KCNJ15: variants seen among roughly 807,000 people sequenced by gnomAD.
The protein encoded by KCNJ15 is ATP-sensitive inward rectifier potassium channel 15.
Under a neutral mutation model 23.0 loss-of-function variants are expected in KCNJ15, and 14 were observed. The ratio of observed to expected loss-of-function variants is 0.61; its 90% confidence interval spans 0.40 to 0.95. The LOEUF (loss-of-function observed/expected upper bound fraction) is 0.95, where lower values mean the gene tolerates loss of function less well. Among genes scored for constraint, KCNJ15 ranks in the 40% least tolerant of loss-of-function variants. The probability of loss-of-function intolerance (pLI) is 0.00; values close to 1 mark genes in which losing one functional copy is unlikely to be tolerated. For synonymous variants in KCNJ15, 185 were observed against 183.2 expected, an observed-to-expected ratio of 1.01 and a Z score of -0.08; for missense variants, 388 against 461.8, an observed-to-expected ratio of 0.84 and a Z score of 1.46.
chr21:38,292,018 G>T (rs778896639), intron 1 of KCNJ15, among the ~76,000 whole-genome samples: 55 of 152,172 alleles, frequency 3.6e-4, no homozygotes, highest in Non-Finnish European at 6.5e-4. Flanking sequence ...AATCTATAAT[G>T]GATGCTGACG....
intron 1 of KCNJ15, among the ~76,000 whole-genome samples, chr21:38,244,211 G>A (rs975364541): frequency 1.3e-5 from 2 of 152,004 alleles, no homozygotes; most frequent in Non-Finnish European, 2.9e-5. Flanking sequence ...AACTGGTTTC[G>A]AACCCACCAA....
At chr21:38,276,785 GA>G (rs149729111) in intron 1 of KCNJ15, among the ~76,000 whole-genome samples, 4,651 of 152,020 alleles carry the variant, frequency 0.031, 95 homozygotes, top group Middle Eastern at 0.054. Flanking sequence ...GAAAACATCT[GA>G]ATTCATACTT....
intron 1 of KCNJ15, among the ~76,000 whole-genome samples, chr21:38,291,005 C>A (rs1465395774): frequency 7.0e-6 from 1 of 143,612 alleles, no homozygotes; most frequent in Non-Finnish European, 1.5e-5. Flanking sequence ...AACACACACA[C>A]ACACACACAC....
At chr21:38,241,954 G>A (rs1018603525) in intron 1 of KCNJ15, among the ~76,000 whole-genome samples, 3 of 139,844 alleles carry the variant, frequency 2.1e-5, no homozygotes, top group Admixed American at 1.4e-4. Flanking sequence ...GGGTGACAGA[G>A]CAAGACTCCA....
In KCNJ15 at chr21:38,259,179, T is replaced by G. The variant is rs115174488; in HGVS notation, c.-117+1994T>G. Among the ~76,000 whole-genome samples, 978 of 152,316 alleles carry G rather than the reference T, an allele frequency of 6.4e-3. 8 individuals carry two copies. The highest frequency in any genetic ancestry group is 0.022 in the African/African-American group (905 of 41,554). Reference sequence around the variant, plus strand: ...CAAATCTTTGGAATATCCTTTCCTGTGCAATCCCCTCTCATCTGTTTAGAG... The same window carrying G: ...CAAATCTTTGGAATATCCTTTCCTGGGCAATCCCCTCTCATCTGTTTAGAG... On this transcript the variant is annotated intron_variant, in intron 1 of 2. Transcript: ENST00000398938.
Position 38,245,232 on chromosome 21 carries a change from A to G in KCNJ15, c.-398-11814A>G, listed in dbSNP as rs545624053. Among the ~76,000 whole-genome samples the G allele has an allele frequency of 9.2e-5, 14 of 152,158 alleles. No homozygotes were observed. In the South Asian group the frequency reaches 2.9e-3, roughly 32 times the overall value. On this transcript the variant is annotated intron_variant, in intron 1 of 4. Transcript: ENST00000547341. ...TTCCCAAAGTCCTCTCTGTGTGGCC[A>G]TATGCCTGATTCTCAGCCTGGCTTC...
At chr21:38,272,365 T>A (rs971279622) in intron 1 of KCNJ15, 1 of 152,384 alleles carries the variant, frequency 6.6e-6, no homozygotes, top group African/African-American at 2.4e-5. Flanking sequence ...TCTGCCTGAA[T>A]GCTCAGCTTC....
intron 1 of KCNJ15, among the ~76,000 whole-genome samples, chr21:38,269,554 A>G (rs921807206): frequency 1.3e-5 from 2 of 152,278 alleles, no homozygotes; most frequent in Middle Eastern, 3.4e-3. Flanking sequence ...TTATAAGGAG[A>G]AGAAGGGATA....
At chr21:38,252,963 A>G (rs1979934074), upstream of KCNJ15, among the ~76,000 whole-genome samples, 1 of 152,130 alleles carries the variant, frequency 6.6e-6, no homozygotes, top group Non-Finnish European at 1.5e-5. Context: ...TTCCATTTCC[A>G]TTGCAGATGC....
intron 1 of KCNJ15, among the ~76,000 whole-genome samples, chr21:38,290,000 G>A (rs1238504584): frequency 6.6e-6 from 1 of 152,210 alleles, no homozygotes; most frequent in Non-Finnish European, 1.5e-5. Flanking sequence ...TCACTCTATA[G>A]GGAAGTTAGT....
At chr21:38,239,081 T>C (rs1392818116) in intron 1 of KCNJ15, among the ~76,000 whole-genome samples, 1 of 152,172 alleles carries the variant, frequency 6.6e-6, no homozygotes, top group Non-Finnish European at 1.5e-5. Flanking sequence ...TGGCTTGCTA[T>C]TAGAGGAGGA....
At chr21:38,268,550 G>GAAAAAAAAAAAAAAAAA (rs576709021) in intron 1 of KCNJ15, among the ~76,000 whole-genome samples, 7 of 47,234 alleles carry the variant, frequency 1.5e-4, no homozygotes, top group Admixed American at 3.8e-4. Context: ...CTTAAAATCT[G>GAAAAAAAAAAAAAAAAA]AAAAAAAAAA....
rs113952394 is a variant in KCNJ15 at position 38,233,296 on chromosome 21, G to A, written c.-398-23750G>A. On this transcript the variant is annotated intron_variant, in intron 1 of 4. Transcript: ENST00000547341. ...GGCTCTCTAAAGTTGCTAGTGGCAC[G>A]ACATATCTTTTTTCATTCTTTTACT... 7.9e-5 allele frequency among the ~76,000 whole-genome samples: 12 copies of A among 152,088 alleles called. 1 individual carries two copies. The highest frequency in any genetic ancestry group is 2.4e-4 in the African/African-American group (10 of 41,528).
chr21:38,275,467 A>C (rs1982575230), intron 1 of KCNJ15, among the ~76,000 whole-genome samples: 1 of 144,460 alleles, frequency 6.9e-6, no homozygotes, highest in Non-Finnish European at 1.5e-5. Context: ...GGTTGCAGTG[A>C]GCCAAGATCA....
chr21:38,263,376 C>A (rs1397412767), intron 1 of KCNJ15, among the ~76,000 whole-genome samples: 1 of 152,090 alleles, frequency 6.6e-6, no homozygotes, highest in Non-Finnish European at 1.5e-5. Context: ...TGAGCGGAGT[C>A]CTGTGAGGGT....
intron 1 of KCNJ15, among the ~76,000 whole-genome samples, chr21:38,235,320 G>A (rs58789919): frequency 0.067 from 10,121 of 151,970 alleles, 799 homozygotes; most frequent in African/African-American, 0.19. Flanking sequence ...TTGGGAGGCC[G>A]AGGTTGGTGG....
At chr21:38,266,852 C>T (rs1981517719) in intron 1 of KCNJ15, among the ~76,000 whole-genome samples, 1 of 152,152 alleles carries the variant, frequency 6.6e-6, no homozygotes, top group Non-Finnish European at 1.5e-5. Context: ...GTGAAGCTGG[C>T]CTTTGAAGCT....
At chr21:38,243,889 G>T (rs961068686) in intron 1 of KCNJ15, among the ~76,000 whole-genome samples, 1 of 152,220 alleles carries the variant, frequency 6.6e-6, no homozygotes, top group African/African-American at 2.4e-5. Context: ...CCCAGCACTA[G>T]ACGGTTATTG....
At chr21:38,286,574 A>ACAGTATCT (rs1983937916) in intron 1 of KCNJ15, among the ~76,000 whole-genome samples, 1 of 152,242 alleles carries the variant, frequency 6.6e-6, no homozygotes, top group African/African-American at 2.4e-5. Flanking sequence ...CATAAAAGAC[A>ACAGTATCT]CAGTATCTGA....
Sources: allele counts gnomAD v4.1 joint callset (sites outside exome capture counted in the v4.1 genomes callset), GRCh38; gene constraint gnomAD v4.1.1; transcripts MANE v1.5; gene names NCBI Gene and HGNC (gene_info 2026-07-23, HGNC 2026-07-21).